Variants in SLC4A10 observed in about 807,000 individuals in gnomAD.
SLC4A10 encodes sodium-driven chloride bicarbonate exchanger.
SLC4A10 carries 42 observed loss-of-function variants against 137.7 expected under a neutral mutation model. That is an observed-to-expected ratio of 0.30 (90% confidence interval 0.24 to 0.39). SLC4A10 has a LOEUF of 0.39. Among genes scored for constraint, SLC4A10 ranks in the 10% least tolerant of loss-of-function variants. The pLI is 1.00. For missense variants in SLC4A10, 925 were observed against 1,355.0 expected (o/e 0.68, Z 4.98); for synonymous variants, 474 against 464.1 (o/e 1.02, Z -0.27).
intron 1 of SLC4A10, among the ~76,000 whole-genome samples, chr2:161,754,008 G>A (rs969681505): frequency 6.6e-6 from 1 of 151,906 alleles, no homozygotes; most frequent in Non-Finnish European, 1.5e-5. Context: ...TCCTGCCTCA[G>A]CCTCCAGAGT....
intron 1 of SLC4A10, among the ~76,000 whole-genome samples, chr2:161,655,822 T>TG (rs2037441534): frequency 6.6e-6 from 1 of 151,722 alleles, no homozygotes; most frequent in Non-Finnish European, 1.5e-5. Flanking sequence ...TTCTTCTTTT[T>TG]TTTTTTTTTG....
intron 2 of SLC4A10, among the ~76,000 whole-genome samples, chr2:161,795,489 C>A (rs1372095397): frequency 6.6e-6 from 1 of 151,884 alleles, no homozygotes; most frequent in Non-Finnish European, 1.5e-5. Flanking sequence ...AGCATCAAAG[C>A]CACAGATATA....
chr2:161,975,045 T>C (rs1699170133), intron 24 of SLC4A10, among the ~76,000 whole-genome samples: 1 of 152,158 alleles, frequency 6.6e-6, no homozygotes, highest in Non-Finnish European at 1.5e-5. Context: ...AGAATACTTT[T>C]TTATGAGAAG....
chr2:161,763,027 T>C (rs993401615), intron 1 of SLC4A10, among the ~76,000 whole-genome samples: 1 of 152,104 alleles, frequency 6.6e-6, no homozygotes, highest in African/African-American at 2.4e-5. Flanking sequence ...TCTTTGAAAG[T>C]GTTCCATACT....
chr2:161,908,501 G>T (rs1685009273), intron 15 of SLC4A10, among the ~76,000 whole-genome samples: 1 of 150,530 alleles, frequency 6.6e-6, no homozygotes. Flanking sequence ...ACGAGTTGAT[G>T]GGTGCAGCAC....
chr2:161,817,712 C>T (rs1261862584), intron 3 of SLC4A10, among the ~76,000 whole-genome samples: 2 of 152,088 alleles, frequency 1.3e-5, no homozygotes, highest in South Asian at 2.1e-4. Flanking sequence ...AGCCAGTTTT[C>T]CCAGCACCAT....
chr2:161,928,833 G>T (rs990344094), intron 15 of SLC4A10, among the ~76,000 whole-genome samples: 1 of 151,856 alleles, frequency 6.6e-6, no homozygotes, highest in Non-Finnish European at 1.5e-5. Flanking sequence ...CTGTATGCAC[G>T]CCATACCTAT....
At chr2:161,917,709 G>C (rs1687378366) in intron 15 of SLC4A10, among the ~76,000 whole-genome samples, 2 of 151,784 alleles carry the variant, frequency 1.3e-5, no homozygotes, top group African/African-American at 4.8e-5. Context: ...ACAAACTATT[G>C]TGCTGGTGTG....
chr2:161,665,158 C>T (rs1248408691), intron 1 of SLC4A10, among the ~76,000 whole-genome samples: 1 of 151,634 alleles, frequency 6.6e-6, no homozygotes, highest in African/African-American at 2.4e-5. Flanking sequence ...CTTTGCAAGC[C>T]CTTAGATGAG....
intron 15 of SLC4A10, among the ~76,000 whole-genome samples, chr2:161,930,524 T>C (rs1171514690): frequency 6.6e-6 from 1 of 150,402 alleles, no homozygotes; most frequent in Non-Finnish European, 1.5e-5. Context: ...ATAATTATAC[T>C]TACTGAATAA....
chr2:161,741,276 A>T (rs1373810385), intron 1 of SLC4A10, among the ~76,000 whole-genome samples: 1 of 135,514 alleles, frequency 7.4e-6, no homozygotes, highest in Non-Finnish European at 1.6e-5. Context: ...AAAAAAAAAA[A>T]GCACCTATCC....
chr2:161,954,138 A>G (rs539631394), intron 19 of SLC4A10, among the ~76,000 whole-genome samples: 1 of 152,324 alleles, frequency 6.6e-6, no homozygotes, highest in South Asian at 2.1e-4. Flanking sequence ...TGCAACATTC[A>G]TTTGGCACCA....
intron 1 of SLC4A10, among the ~76,000 whole-genome samples, chr2:161,717,157 G>T (rs1237017100): frequency 6.6e-6 from 1 of 152,172 alleles, no homozygotes; most frequent in Non-Finnish European, 1.5e-5. Flanking sequence ...TTTATCCTGA[G>T]ATTTTGCTGA....
chr2:161,744,895 GT>G (rs1311083786), intron 1 of SLC4A10, among the ~76,000 whole-genome samples: 1 of 152,072 alleles, frequency 6.6e-6, no homozygotes, highest in Non-Finnish European at 1.5e-5. Flanking sequence ...TTCAATTACA[GT>G]GTTGTAATAT....
At chr2:161,792,091 A>G (rs913110352) in intron 2 of SLC4A10, among the ~76,000 whole-genome samples, 14 of 152,278 alleles carry the variant, frequency 9.2e-5, no homozygotes, top group Middle Eastern at 3.4e-3. Context: ...GTTTCTACTT[A>G]TCAAAGGCAT....
chr2:161,727,065 G>C (rs1207760488), intron 1 of SLC4A10, among the ~76,000 whole-genome samples: 5 of 152,188 alleles, frequency 3.3e-5, no homozygotes, highest in Admixed American at 3.3e-4. Flanking sequence ...TTATTCACTG[G>C]AGAGGGTTAT....
chr2:161,872,532 G>A, intron 7 of SLC4A10, 148 bp downstream of exon 7: 1 of 453,204 alleles, frequency 2.2e-6, no homozygotes, highest in Non-Finnish European at 3.8e-6. Flanking sequence ...TTAGCATTAA[G>A]TCCACATGTA....
chr2:161,957,052 A>C lies in SLC4A10; in HGVS notation c.2605A>C (p.Met869Leu), dbSNP rs1290869648. 1 of 1,611,976 alleles carries C rather than the reference A, an allele frequency of 6.2e-7. No individual in the cohort carries two copies. Among genetic ancestry groups the C allele is most frequent in the South Asian group, 1.1e-5 (1 of 90,546 alleles). ...TGTCATGCTCGGTGTATGCTCCATC[A>C]TGGGCCTGCCATGGTTTGTGGCTGC... ...VAVMLGVCSIMGLPWFVAATV... is the reference protein window; with the variant it reads ...VAVMLGVCSILGLPWFVAATV... The change falls in exon 20 of 27, where the codon ATG becomes CTG. Residue 869 changes from methionine to leucine, a missense_variant. Met to Leu is a conservative substitution (Grantham distance 15). Around this residue, in one of 11 missense-constraint regions of SLC4A10, gnomAD observed 115 missense variants for 237.5 expected, o/e 0.48. Coordinates refer to ENST00000446997, the MANE Select transcript of SLC4A10 (RefSeq NM_001178015.2).
At chr2:161,957,371 C>T in intron 20 of SLC4A10, 131 bp downstream of exon 20, 1 of 1,082,654 alleles carries the variant, frequency 9.2e-7, no homozygotes. Context: ...ATTTCTGAAC[C>T]ATGTTTATAT....
Sources: gnomAD v4.1 joint callset for allele counts (sites outside exome capture counted in the v4.1 genomes callset) on GRCh38, gnomAD v4.1.1 for gene constraint, gnomAD v4.1.1 regional missense constraint, MANE v1.5 for transcripts, NCBI Gene and HGNC (gene_info 2026-07-23, HGNC 2026-07-21) for gene names.